LRRC9: variants seen among roughly 807,000 people sequenced by gnomAD.
The protein encoded by LRRC9 is leucine-rich repeat-containing protein 9.
Under a neutral mutation model 63.2 loss-of-function variants are expected in LRRC9, and 122 were observed. The observed-to-expected ratio is 1.93, with a 90% confidence interval of 1.67 to 2.24. The LOEUF (loss-of-function observed/expected upper bound fraction) is 2.24, where lower values mean the gene tolerates loss of function less well. Among genes scored for constraint, LRRC9 ranks in the 30% most tolerant of loss-of-function variants. The pLI is 0.00. For missense variants in LRRC9, 1,071 were observed against 627.7 expected, an observed-to-expected ratio of 1.71 and a Z score of -7.55; for synonymous variants, 366 against 213.1, an observed-to-expected ratio of 1.72 and a Z score of -6.25.
intron 17 of LRRC9, among the ~76,000 whole-genome samples, chr14:59,993,976 A>G (rs1166836115): frequency 6.6e-6 from 1 of 152,196 alleles, no homozygotes; most frequent in Admixed American, 6.5e-5. Flanking sequence ...ATAGACATCT[A>G]CAGAACTCTC....
chr14:60,051,118 T>C lies in LRRC9; in HGVS notation c.3991-1947T>C, dbSNP rs78753789. Among the ~76,000 whole-genome samples, 832 of 152,284 alleles carry C rather than the reference T, an allele frequency of 5.5e-3. 9 individuals carry two copies. The highest frequency in any genetic ancestry group is 0.019 in the African/African-American group (800 of 41,552). ...CTTTTGGTAGAGCCAGTGTGCTCCA[T>C]TGGTGAGGGACTCTTCCTAGTCCGG... On this transcript the variant is annotated intron_variant, in intron 29 of 31. Coordinates refer to ENST00000445360, the Ensembl canonical transcript of LRRC9. The surrounding 1 kb of genome is among the most constrained non-coding windows in gnomAD (Gnocchi z 4.7).
intron 1 of LRRC9, among the ~76,000 whole-genome samples, chr14:59,920,818 T>TA (rs1290471080): frequency 6.6e-6 from 1 of 152,258 alleles, no homozygotes; most frequent in Non-Finnish European, 1.5e-5. Flanking sequence ...ATTATGTCTT[T>TA]AAATTATACC....
chr14:60,047,764 A>G (rs1893557867), intron 29 of LRRC9, among the ~76,000 whole-genome samples: 1 of 152,214 alleles, frequency 6.6e-6, no homozygotes, highest in Admixed American at 6.5e-5. Flanking sequence ...AAAGACATTC[A>G]GTACCTGAAC....
chr14:60,007,750 A>G (rs544411300), intron 22 of LRRC9, among the ~76,000 whole-genome samples: 109 of 152,142 alleles, frequency 7.2e-4, no homozygotes, highest in African/African-American at 2.4e-3. Flanking sequence ...AAATATACCT[A>G]AGTGGTCTGA....
intron 8 of LRRC9, among the ~76,000 whole-genome samples, chr14:59,946,920 G>C (rs1882490327): frequency 7.7e-6 from 1 of 129,340 alleles, no homozygotes; most frequent in African/African-American, 3.0e-5. Context: ...TGGACATTTG[G>C]GTTGGTTCCA....
intron 26 of LRRC9, among the ~76,000 whole-genome samples, chr14:60,019,468 C>T (rs1012972785): frequency 1.3e-5 from 2 of 151,820 alleles, no homozygotes; most frequent in African/African-American, 4.8e-5. Flanking sequence ...TCTCTGCCTT[C>T]TCCATTTCAA....
At chr14:59,968,860 CAA>C (rs896264723) in intron 12 of LRRC9, among the ~76,000 whole-genome samples, 7 of 152,192 alleles carry the variant, frequency 4.6e-5, no homozygotes, top group African/African-American at 1.7e-4. Flanking sequence ...CTGCTCTGTC[CAA>C]AAGAGTAGCC....
intron 26 of LRRC9, among the ~76,000 whole-genome samples, chr14:60,019,814 T>C (rs1285286199): frequency 1.3e-5 from 2 of 150,966 alleles, no homozygotes; most frequent in Non-Finnish European, 3.0e-5. Context: ...ACCTTCTACC[T>C]CCTTACACAT....
At chr14:59,967,953 T>C (rs970933040) in intron 12 of LRRC9, among the ~76,000 whole-genome samples, 1 of 152,164 alleles carries the variant, frequency 6.6e-6, no homozygotes, top group African/African-American at 2.4e-5. Flanking sequence ...CATTAAAAAT[T>C]TCTTGGATAT....
At chr14:59,951,525 G>C (rs1211204092) in intron 8 of LRRC9, among the ~76,000 whole-genome samples, 1 of 145,090 alleles carries the variant, frequency 6.9e-6, no homozygotes, top group African/African-American at 2.6e-5. Context: ...ATCCAGCTTT[G>C]TTCCGTTGCT....
In LRRC9 at chr14:59,938,240, G is replaced by A. The variant is rs965476218; in HGVS notation, c.544-150G>A. On this transcript the variant is annotated intron_variant, in intron 6 of 31. Coordinates refer to ENST00000445360, the Ensembl canonical transcript of LRRC9. The surrounding 1 kb of genome is among the most constrained non-coding windows in gnomAD (Gnocchi z 4.2). ...TCTTCAGGAATTTAGCTTTTCAATA[G>A]AGAGAAACATTTTAGGCATCTAAAT... 4.1e-5 allele frequency: 19 copies of A among 461,840 alleles called. 1 individual carries two copies. In the Admixed American group the frequency reaches 4.2e-4, roughly 10 times the overall value. 28.6% of individuals were successfully genotyped at this position (461,840 alleles called of 1,614,324 possible).
intron 23 of LRRC9, among the ~76,000 whole-genome samples, chr14:60,015,671 C>T (rs1890619956): frequency 6.6e-6 from 1 of 152,094 alleles, no homozygotes; most frequent in Non-Finnish European, 1.5e-5. Flanking sequence ...GACAAGAATA[C>T]CTAATTGATG....
chr14:60,035,842 T>C (rs1892385166), intron 29 of LRRC9, among the ~76,000 whole-genome samples: 1 of 152,204 alleles, frequency 6.6e-6, no homozygotes, highest in African/African-American at 2.4e-5. Flanking sequence ...TAGGATTTGT[T>C]TTTTTATTTC....
intron 17 of LRRC9, among the ~76,000 whole-genome samples, chr14:59,994,473 A>G (rs1183927586): frequency 6.6e-6 from 1 of 152,042 alleles, no homozygotes; most frequent in Non-Finnish European, 1.5e-5. Flanking sequence ...GGGATCTAGA[A>G]CTAGAAATAC....
At chr14:60,040,858 T>C (rs890671759) in intron 29 of LRRC9, among the ~76,000 whole-genome samples, 9 of 151,986 alleles carry the variant, frequency 5.9e-5, no homozygotes, top group Non-Finnish European at 8.8e-5. Context: ...CTAGTATTGA[T>C]GGTCTTTACA....
rs1889666144 is a variant in LRRC9, at chr14:60,004,670, T to C, written c.2842+872T>C. Among the ~76,000 whole-genome samples the C allele has an allele frequency of 6.6e-6, 1 of 152,072 alleles. No homozygotes were observed. Among genetic ancestry groups the C allele is most frequent in the African/African-American group, 2.4e-5 (1 of 41,440 alleles). ...GAACATGTCCTAGAATATATACTAC[T>C]AAGTCAAGTATTTTCTGACTCCTCC... is the stretch of plus-strand genomic sequence containing the variant. On this transcript the variant is annotated intron_variant, in intron 21 of 31. Coordinates refer to ENST00000445360, the Ensembl canonical transcript of LRRC9. The surrounding 1 kb of genome is among the most constrained non-coding windows in gnomAD (Gnocchi z 4.8).
In LRRC9 at chr14:59,962,216, G is replaced by A. The variant is rs1475395305; in HGVS notation, c.1211+1171G>A. Among the ~76,000 whole-genome samples, 3 of 152,062 alleles carry A rather than the reference G, an allele frequency of 2.0e-5. No individual in the cohort carries two copies. The East Asian group carries it at 5.8e-4, about 29-fold the overall frequency. On this transcript the variant is annotated intron_variant, in intron 10 of 31. Transcript: ENST00000445360. The surrounding 1 kb of genome is among the most constrained non-coding windows in gnomAD (Gnocchi z 5.1). ...GAGGCCTTTGAAAATACTTTCCTTT[G>A]TATTAGTACATCCATTTGCCCAGCA...
chr14:59,960,775 A>T, intron 9 of LRRC9, 139 bp from the exon 10 acceptor site: 1 of 463,676 alleles, frequency 2.2e-6, no homozygotes, highest in South Asian at 4.9e-5. Flanking sequence ...GACATGGTTT[A>T]ACTGTTAACA....
rs1280784173 is a variant in LRRC9, at chr14:59,958,989, T to G, written c.883-829T>G. ...ATGAACAGGGTACCTCAGTTGGAAA[T>G]GCAGTAATCACCCACCTTCTGCATT... On this transcript the variant is annotated intron_variant, in intron 8 of 31. Coordinates refer to ENST00000445360, the Ensembl canonical transcript of LRRC9. The surrounding 1 kb of genome is among the most constrained non-coding windows in gnomAD (Gnocchi z 4.0). Among the ~76,000 whole-genome samples, 2 of 152,178 alleles carry G rather than the reference T, an allele frequency of 1.3e-5. No homozygotes were observed. The highest frequency in any genetic ancestry group is 2.9e-5 in the Non-Finnish European group (2 of 68,044).
Sources: allele counts gnomAD v4.1 joint callset (sites outside exome capture counted in the v4.1 genomes callset), GRCh38; gene constraint gnomAD v4.1.1; non-coding constraint Gnocchi (gnomAD v3.1); transcripts MANE v1.5; gene names NCBI Gene and HGNC (gene_info 2026-07-23, HGNC 2026-07-21).